HERC1: variants seen among roughly 807,000 people sequenced by gnomAD.
HERC1 encodes probable E3 ubiquitin-protein ligase HERC1.
A neutral mutation model predicts 554.3 loss-of-function variants in HERC1; 160 were observed. That is an observed-to-expected ratio of 0.29 (90% CI 0.25 to 0.33). The LOEUF is 0.33. Among genes scored for constraint, HERC1 ranks in the 10% least tolerant of loss-of-function variants. The pLI, the probability that HERC1 is intolerant of heterozygous loss-of-function variation, is 1.00. For missense variants in HERC1, 4,919 were observed against 5,918.5 expected, an observed-to-expected ratio of 0.83 and a Z score of 5.54; for synonymous variants, 2,175 against 2,131.7, an observed-to-expected ratio of 1.02 and a Z score of -0.56.
intron 24 of HERC1, among the ~76,000 whole-genome samples, chr15:63,711,106 G>T (rs1379537552): frequency 1.3e-5 from 2 of 152,180 alleles, no homozygotes; most frequent in Admixed American, 1.3e-4. Context: ...GGCTGAAGCA[G>T]GAGGATCACT....
chr15:63,737,527 A>G (rs1423035955), intron 12 of HERC1, among the ~76,000 whole-genome samples: 1 of 111,152 alleles, frequency 9.0e-6, no homozygotes, highest in African/African-American at 3.8e-5. Flanking sequence ...ATATATATAT[A>G]TATATATATA....
intron 77 of HERC1, among the ~76,000 whole-genome samples, chr15:63,610,125 G>A (rs775555322): frequency 2.0e-5 from 3 of 149,428 alleles, no homozygotes; most frequent in Non-Finnish European, 4.4e-5. Flanking sequence ...TTTTTAAAAC[G>A]TTTGCTTAAA....
Position 63,642,831 on chromosome 15 carries a change from G to A in HERC1, c.11433+126C>T, listed in dbSNP as rs76285931. 38,386 of 657,430 alleles carry A rather than the reference G, an allele frequency of 0.058. 1,400 individuals carry two copies. The highest frequency in any genetic ancestry group is 0.071 in the Non-Finnish European group (25,746 of 361,056). The allele number at this position is 657,430 out of a possible 1,614,324, so 40.7% of individuals were successfully genotyped here. On this transcript the variant is annotated intron_variant, in intron 59 of 77. Coordinates refer to ENST00000443617, the MANE Select transcript of HERC1 (RefSeq NM_003922.4). ...CCTTCTGCTACTAAATAGTTGCACT[G>A]TTTTGGACAAGTAGTAATCCCTCTG...
intron 1 of HERC1, among the ~76,000 whole-genome samples, chr15:63,815,777 A>C (rs2077471132): frequency 6.6e-6 from 1 of 152,170 alleles, no homozygotes. Context: ...AGACTGGGTA[A>C]TTTATAAAGG....
chr15:63,726,580 T>A (rs1405385055), intron 17 of HERC1, among the ~76,000 whole-genome samples: 1 of 152,128 alleles, frequency 6.6e-6, no homozygotes, highest in Non-Finnish European at 1.5e-5. Context: ...GCCAATAAAT[T>A]TGAAAACCAA....
chr15:63,664,705 T>A lies in HERC1; in HGVS notation c.8556-111A>T, dbSNP rs927159179. 1.3e-5 allele frequency: 12 copies of A among 910,878 alleles called. 1 individual carries two copies. Among genetic ancestry groups the A allele is most frequent in the Non-Finnish European group, 1.9e-5 (12 of 625,248 alleles). The allele number at this position is 910,878 out of a possible 1,614,324, so 56.4% of individuals were successfully genotyped here. A position where few individuals can be genotyped will look rare whatever the true frequency, so the allele number is the denominator to read the frequency against. On this transcript the variant is annotated intron_variant, in intron 42 of 77. Coordinates refer to ENST00000443617, the MANE Select transcript of HERC1 (RefSeq NM_003922.4). ...CTTTATTCTCATTGAGAATAAAATA[T>A]GTTTATGATAAAATTTGAAACACAT...
At chr15:63,628,952 TC>T (rs1228716887) in intron 69 of HERC1, 137 bp from the exon 70 acceptor site, 10 of 728,978 alleles carry the variant, frequency 1.4e-5, no homozygotes, top group East Asian at 8.3e-5. Flanking sequence ...TAAAACACAT[TC>T]TTTTTTTTTT....
intron 23 of HERC1, 54 bp downstream of exon 23, chr15:63,713,298 TA>T: frequency 1.4e-6 from 2 of 1,411,918 alleles, no homozygotes; most frequent in Non-Finnish European, 9.9e-7. Flanking sequence ...TTTCAGTGCA[TA>T]AAGTAATAAA....
chr15:63,610,242 A>G (rs1163978150), intron 77 of HERC1, among the ~76,000 whole-genome samples: 1 of 152,144 alleles, frequency 6.6e-6, no homozygotes, highest in African/African-American at 2.4e-5. Flanking sequence ...TGGGAGGTGG[A>G]TGGCCCAGCA....
intron 24 of HERC1, among the ~76,000 whole-genome samples, chr15:63,707,423 C>CT (rs1400604849): frequency 3.9e-5 from 6 of 152,186 alleles, no homozygotes; most frequent in Admixed American, 3.9e-4. Flanking sequence ...GCAGTGAAGG[C>CT]TTACAAGAAG....
At position 63,775,608 on chromosome 15, in the gene HERC1, G is replaced by T; in HGVS notation, c.16C>A (p.Pro6Thr). 1 of 1,596,878 alleles carries T rather than the reference G, an allele frequency of 6.3e-7. No individual in the cohort carries two copies. The highest frequency in any genetic ancestry group is 1.1e-5 in the South Asian group (1 of 87,498). The change falls in exon 2 of 78, where the codon CCA becomes ACA. Residue 6 changes from proline to threonine, a missense_variant. Physicochemically the swap from Pro to Thr is conservative, Grantham distance 38 (BLOSUM62 -1). This residue lies in a region of HERC1 where 110 missense variants were observed against 99.3 expected (regional missense o/e 1.11). Coordinates refer to ENST00000443617, the MANE Select transcript of HERC1 (RefSeq NM_003922.4). This position sits in a 1 kb window ranked among gnomAD's most constrained non-coding sequence, Gnocchi z 4.0. The stretch of plus-strand genomic sequence containing the variant: ...TCAAGCCATTTCAGCTTCACTGGTG[G>T]AATCATAGTTGCCATGTTGATTTAT... MATMI[P>T]PVKLKWLEHL...
chr15:63,737,481 G>GAT (rs1162968549), intron 12 of HERC1, among the ~76,000 whole-genome samples: 1 of 45,180 alleles, frequency 2.2e-5, no homozygotes, highest in African/African-American at 8.1e-5. Context: ...CTTTTTTCCA[G>GAT]ATATATATAT....
chr15:63,714,406 G>T (rs1230731989), intron 22 of HERC1, among the ~76,000 whole-genome samples: 1 of 152,114 alleles, frequency 6.6e-6, no homozygotes, highest in Non-Finnish European at 1.5e-5. Context: ...GGCATCACCA[G>T]GAATACCCAT....
At chr15:63,676,530 G>A (rs2071217713) in intron 37 of HERC1, among the ~76,000 whole-genome samples, 1 of 152,102 alleles carries the variant, frequency 6.6e-6, no homozygotes, top group Non-Finnish European at 1.5e-5. Context: ...GCCGAGGCAG[G>A]TGGATCACTT....
intron 77 of HERC1, among the ~76,000 whole-genome samples, chr15:63,611,033 G>T (rs2067564762): frequency 6.6e-6 from 1 of 152,210 alleles, no homozygotes; most frequent in Admixed American, 6.5e-5. Context: ...GTTCTTGGAG[G>T]AGATGACTGG....
At chr15:63,643,663 G>C in intron 57 of HERC1, 113 bp from the exon 58 acceptor site, 2 of 718,118 alleles carry the variant, frequency 2.8e-6, no homozygotes, top group African/African-American at 1.8e-5. Context: ...GCAAGGGGGA[G>C]AGATAATTTC....
intron 74 of HERC1, among the ~76,000 whole-genome samples, chr15:63,618,677 C>A (rs1191832939): frequency 1.3e-5 from 2 of 152,124 alleles, no homozygotes; most frequent in Non-Finnish European, 2.9e-5. Flanking sequence ...GTTTTATTTC[C>A]TTGAGCAGTG....
Position 63,692,641 on chromosome 15 carries a change from G to T in HERC1, c.5675-75C>A. The stretch of plus-strand genomic sequence containing the variant: ...AGTCTTATATCACATAATTTACCTT[G>T]AAACTGCAGTAAGCACAAATCTAAT... On this transcript the variant is annotated intron_variant, in intron 30 of 77. Coordinates refer to ENST00000443617, the MANE Select transcript of HERC1 (RefSeq NM_003922.4). The surrounding 1 kb of genome is among the most constrained non-coding windows in gnomAD (Gnocchi z 4.7). 1 of 1,257,282 alleles carries T rather than the reference G, an allele frequency of 8.0e-7. No homozygotes were observed. The highest frequency in any genetic ancestry group is 1.1e-6 in the Non-Finnish European group (1 of 927,714). 77.9% of individuals were successfully genotyped at this position (1,257,282 alleles called of 1,614,324 possible).
At chr15:63,617,612 T>A (rs2067880109) in intron 74 of HERC1, among the ~76,000 whole-genome samples, 1 of 152,230 alleles carries the variant, frequency 6.6e-6, no homozygotes. Context: ...TGAACTAGTT[T>A]ACAGTCCCAC....
Sources: gnomAD v4.1 joint callset for allele counts (sites outside exome capture counted in the v4.1 genomes callset) on GRCh38, gnomAD v4.1.1 for gene constraint, gnomAD v4.1.1 regional missense constraint, Gnocchi (gnomAD v3.1) non-coding constraint, MANE v1.5 for transcripts, NCBI Gene and HGNC (gene_info 2026-07-23, HGNC 2026-07-21) for gene names.